The following SNX29 variants were observed in gnomAD, a reference collection of about 807,000 sequenced individuals.
SNX29 encodes the protein sorting nexin-29.
A neutral mutation model predicts 102.1 loss-of-function variants in SNX29; 78 were observed. The ratio of observed to expected loss-of-function variants is 0.76; its 90% confidence interval spans 0.64 to 0.92. The LOEUF is 0.92. Ranked by LOEUF, SNX29 falls within the 40% of genes least tolerant of loss-of-function variation. The probability of loss-of-function intolerance (pLI) is 0.00; values close to 1 mark genes in which losing one functional copy is unlikely to be tolerated. For synonymous variants in SNX29, 580 were observed against 414.5 expected, an observed-to-expected ratio of 1.40 and a Z score of -4.85; for missense variants, 1,280 against 1,061.7, an observed-to-expected ratio of 1.21 and a Z score of -2.86.
chr16:12,360,487 T>A (rs977668475), intron 16 of SNX29, among the ~76,000 whole-genome samples: 1 of 152,204 alleles, frequency 6.6e-6, no homozygotes, highest in African/African-American at 2.4e-5. Flanking sequence ...TTGATGAGTT[T>A]CAGGTTTGGT....
Position 12,436,324 on chromosome 16 carries a change from G to C in SNX29, c.2037+32795G>C, listed in dbSNP as rs954252688. ...ACGTTTCTATTCGGAGAGAGGGGAA[G>C]GAACGAAGACAGGAACACAGCACCG... On this transcript the variant is annotated intron_variant, in intron 18 of 20. Coordinates refer to ENST00000566228, the MANE Select transcript of SNX29 (RefSeq NM_032167.5). Among the ~76,000 whole-genome samples, 52 of 152,170 alleles carry C rather than the reference G, an allele frequency of 3.4e-4. 1 individual carries two copies. The highest frequency in any genetic ancestry group is 3.1e-3 in the Admixed American group (48 of 15,278).
intron 19 of SNX29, among the ~76,000 whole-genome samples, chr16:12,511,381 T>C (rs1161914980): frequency 6.6e-6 from 1 of 152,098 alleles, no homozygotes; most frequent in Non-Finnish European, 1.5e-5. Flanking sequence ...CAAATGGGGA[T>C]ATTACTGTCT....
chr16:12,551,616 G>A (rs927198479), intron 20 of SNX29, among the ~76,000 whole-genome samples: 2 of 152,214 alleles, frequency 1.3e-5, no homozygotes, highest in Non-Finnish European at 1.5e-5. Flanking sequence ...TTAGATCTGA[G>A]TCTGAGGCAT....
chr16:12,009,439 TTATA>T (rs1231420640), intron 3 of SNX29, among the ~76,000 whole-genome samples: 1 of 148,702 alleles, frequency 6.7e-6, no homozygotes, highest in African/African-American at 2.5e-5. Context: ...ATATATATTT[TTATA>T]TGTGTGTGTG....
chr16:12,368,825 C>T (rs552234981), intron 16 of SNX29, among the ~76,000 whole-genome samples: 4 of 152,246 alleles, frequency 2.6e-5, no homozygotes, highest in African/African-American at 7.2e-5. Flanking sequence ...CACCAGGATT[C>T]TCCTGGGGCT....
intron 13 of SNX29, among the ~76,000 whole-genome samples, chr16:12,187,046 C>T (rs1478871368): frequency 1.3e-5 from 2 of 152,160 alleles, no homozygotes; most frequent in Non-Finnish European, 2.9e-5. Flanking sequence ...CCTGATGGGT[C>T]CCGGAGGAAT....
At chr16:12,120,394 A>G (rs1025171025) in intron 11 of SNX29, among the ~76,000 whole-genome samples, 3 of 152,218 alleles carry the variant, frequency 2.0e-5, no homozygotes, top group South Asian at 4.1e-4. Context: ...GCACAGATCT[A>G]TGTATATATG....
intron 3 of SNX29, among the ~76,000 whole-genome samples, chr16:12,018,622 C>T (rs966990690): frequency 2.6e-5 from 4 of 151,602 alleles, no homozygotes; most frequent in Admixed American, 6.6e-5. Flanking sequence ...ATTTTTGTTA[C>T]TGTTATGCAT....
chr16:12,079,755 C>T (rs2051770077), intron 11 of SNX29, among the ~76,000 whole-genome samples: 1 of 152,162 alleles, frequency 6.6e-6, no homozygotes, highest in South Asian at 2.1e-4. Flanking sequence ...TGTGGCTCCA[C>T]GGCCATCAGA....
intron 14 of SNX29, among the ~76,000 whole-genome samples, chr16:12,255,918 G>T (rs1005913339): frequency 6.6e-6 from 1 of 152,160 alleles, no homozygotes; most frequent in African/African-American, 2.4e-5. Flanking sequence ...TGGATCATAT[G>T]GCAGCTCTAT....
chr16:12,447,152 G>A (rs560028693), intron 18 of SNX29, among the ~76,000 whole-genome samples: 1 of 114,498 alleles, frequency 8.7e-6, no homozygotes, highest in Non-Finnish European at 1.7e-5. Context: ...GGCGACAGAG[G>A]GAGACTCTGT....
chr16:12,287,107 G>T (rs1483670342), intron 15 of SNX29, among the ~76,000 whole-genome samples: 1 of 152,152 alleles, frequency 6.6e-6, no homozygotes, highest in Non-Finnish European at 1.5e-5. Flanking sequence ...GGCTAAGCTC[G>T]GAGCTTTTCT....
chr16:12,301,463 G>A (rs777726218), intron 15 of SNX29, among the ~76,000 whole-genome samples: 1 of 152,170 alleles, frequency 6.6e-6, no homozygotes. Context: ...GGCTGGCTTC[G>A]TGTCCTCCCA....
chr16:12,254,100 T>G (rs1172360996), intron 14 of SNX29, among the ~76,000 whole-genome samples: 1 of 152,036 alleles, frequency 6.6e-6, no homozygotes, highest in African/African-American at 2.4e-5. Flanking sequence ...GATGGCTTTG[T>G]GGGGGCCGAG....
At chr16:12,560,522 C>G (rs902932434) in intron 20 of SNX29, among the ~76,000 whole-genome samples, 4 of 152,150 alleles carry the variant, frequency 2.6e-5, no homozygotes, top group African/African-American at 4.8e-5. Flanking sequence ...CCTCCACCTT[C>G]CAAGACCATT....
intron 18 of SNX29, among the ~76,000 whole-genome samples, chr16:12,410,402 C>T (rs937191465): frequency 6.6e-6 from 1 of 152,114 alleles, no homozygotes; most frequent in African/African-American, 2.4e-5. Flanking sequence ...CTGAACTCTT[C>T]CCATCTCCCA....
At chr16:12,472,235 G>GA (rs397718803) in intron 18 of SNX29, among the ~76,000 whole-genome samples, 8 of 151,930 alleles carry the variant, frequency 5.3e-5, no homozygotes, top group Admixed American at 5.2e-4. Context: ...CAAAAACAGG[G>GA]GAAGGCTGGG....
At chr16:12,036,911 C>G (rs2057492705) in intron 4 of SNX29, among the ~76,000 whole-genome samples, 1 of 152,114 alleles carries the variant, frequency 6.6e-6, no homozygotes, top group African/African-American at 2.4e-5. Context: ...TTTATTGACT[C>G]AAGTAATTAA....
chr16:12,277,902 A>AT, intron 14 of SNX29, 31 bp from the exon 15 acceptor site: 1 of 1,562,742 alleles, frequency 6.4e-7, no homozygotes, highest in Non-Finnish European at 8.7e-7. Flanking sequence ...TACTGTTGAA[A>AT]TATTTATGAC....
Sources: allele counts gnomAD v4.1 joint callset (sites outside exome capture counted in the v4.1 genomes callset), GRCh38; gene constraint gnomAD v4.1.1; transcripts MANE v1.5; gene names NCBI Gene and HGNC (gene_info 2026-07-23, HGNC 2026-07-21).